Variants in DNHD1 observed in about 807,000 individuals in gnomAD.
DNHD1 encodes dynein heavy chain domain 1, also known as dynein heavy chain domain-containing protein 1.
DNHD1 carries 383 observed loss-of-function variants against 458.1 expected under a neutral mutation model. That is an observed-to-expected ratio of 0.84 (90% CI 0.77 to 0.91). The LOEUF (loss-of-function observed/expected upper bound fraction) is 0.91. Ranked by LOEUF, DNHD1 falls within the 40% of genes least tolerant of loss-of-function variation. The pLI, the probability that DNHD1 is intolerant of heterozygous loss-of-function variation, is 0.00. For missense variants in DNHD1, 5,336 were observed against 5,866.1 expected, an observed-to-expected ratio of 0.91 and a Z score of 2.95; for synonymous variants, 2,203 against 2,376.9, an observed-to-expected ratio of 0.93 and a Z score of 2.13.
Position 6,567,362 on chromosome 11 carries a change from G to A in DNHD1, c.11853G>A (p.Glu3951=). 1.2e-6 allele frequency: 2 copies of A among 1,614,064 alleles called. No individual in the cohort carries two copies. Among genetic ancestry groups the A allele is most frequent in the Non-Finnish European group, 1.7e-6 (2 of 1,179,902 alleles). Residue 3951 remains glutamate, a synonymous_variant, in exon 36 of 43, where the codon GAG becomes GAA. Transcript: ENST00000254579. ...TGCAAGCAACAGGGAAAGCATCAGA[G>A]CTGGAAAGACTGGCACTCTGGCCTG... The part of the protein sequence containing the change: ...ALLQATGKAS[E]LERLALWPGL...
Position 6,563,945 on chromosome 11 carries a change from T to A in DNHD1, c.10105T>A (p.Phe3369Ile). The A allele has an allele frequency of 1.9e-6, 3 of 1,551,624 alleles. No homozygotes were observed. The highest frequency in any genetic ancestry group is 2.6e-6 in the Non-Finnish European group (3 of 1,146,968). ...REQARLGYYQ[F>I]QAQETLEHNL... Reference sequence around the variant, plus strand: ...GCAGGCCCGCCTGGGCTACTACCAGTTTCAGGCCCAGGAGACCCTGGAGCA... The same window carrying A: ...GCAGGCCCGCCTGGGCTACTACCAGATTCAGGCCCAGGAGACCCTGGAGCA... The change falls in exon 31 of 43, where the codon TTT becomes ATT. Residue 3369 changes from phenylalanine (F) to isoleucine (I), a missense_variant. Around this residue, in one of 4 missense-constraint regions of DNHD1, gnomAD observed 3,932 missense variants for 4,365.6 expected, o/e 0.90. Transcript: ENST00000254579.
chr11:6,551,179 A>C (rs534506173), intron 24 of DNHD1, among the ~76,000 whole-genome samples: 9 of 152,264 alleles, frequency 5.9e-5, no homozygotes, highest in African/African-American at 1.9e-4. Context: ...ACAAATATTG[A>C]TAAGATGCCT....
intron 36 of DNHD1, 35 bp downstream of exon 36, chr11:6,567,895 G>T (rs1469541925): frequency 1.3e-6 from 2 of 1,555,394 alleles, no homozygotes; most frequent in Non-Finnish European, 1.7e-6. Context: ...AGAGTGACCA[G>T]GCTCCTGTGG....
intron 12 of DNHD1, among the ~76,000 whole-genome samples, chr11:6,531,258 C>CT (rs1458784458): frequency 6.6e-6 from 1 of 152,140 alleles, no homozygotes; most frequent in Admixed American, 6.5e-5. Context: ...ATTATACACT[C>CT]TGACGAATTA....
rs545504916 is a variant in DNHD1 at position 6,564,100 on chromosome 11, G to C, written c.10260G>C (p.Met3420Ile). The C allele has an allele frequency of 2.6e-5, 40 of 1,551,352 alleles. 1 individual carries two copies. The East Asian group carries it at 9.8e-4, about 38-fold the overall frequency. The change falls in exon 31 of 43, where the codon ATG (methionine) becomes ATC (isoleucine). Residue 3420 changes from methionine to isoleucine, a missense_variant. By Grantham distance (10) the Met-to-Ile change is conservative. Coordinates refer to ENST00000254579, the MANE Select transcript of DNHD1 (RefSeq NM_144666.3). ...TGAAGGCTGCACTGCTCACGCCTAT[G>C]CGTGCCTGGACTACACAGCTCCAGG... ...WPMKAALLTPMRAWTTQLQKL... is the reference protein window; with the variant it reads ...WPMKAALLTPIRAWTTQLQKL...
chr11:6,531,514 G>A (rs1852827986), intron 12 of DNHD1, among the ~76,000 whole-genome samples: 1 of 144,238 alleles, frequency 6.9e-6, no homozygotes, highest in African/African-American at 2.6e-5. Flanking sequence ...TGGTCCAAAA[G>A]CAGCACCATA....
In DNHD1 at chr11:6,547,979, C is replaced by T. The variant is rs1279335346; in HGVS notation, c.6844C>T (p.Leu2282=). The T allele has an allele frequency of 6.4e-7, 1 of 1,551,638 alleles. No homozygotes were observed. The highest frequency in any genetic ancestry group is 1.4e-5 in the African/African-American group (1 of 73,028). ...DVPDKCREHL[L]AVSSFLFALI... is the part of the protein sequence containing the mutation. Reference sequence around the variant, plus strand: ...GCCAGATAAGTGCAGGGAACACTTGCTGGCTGTCAGCAGTTTTCTTTTTGC... The same window carrying T: ...GCCAGATAAGTGCAGGGAACACTTGTTGGCTGTCAGCAGTTTTCTTTTTGC... Residue 2282 remains leucine, a synonymous_variant, in exon 22 of 43, where the codon CTG becomes TTG. Transcript: ENST00000254579.
chr11:6,523,401 GA>G (rs1852642689), intron 10 of DNHD1, among the ~76,000 whole-genome samples: 1 of 151,800 alleles, frequency 6.6e-6, no homozygotes, highest in Admixed American at 6.6e-5. Flanking sequence ...GAGAAGGAAA[GA>G]TTTTTTTTTC....
intron 13 of DNHD1, 76 bp from the exon 14 acceptor site, chr11:6,533,605 G>C: frequency 6.8e-7 from 1 of 1,473,000 alleles, no homozygotes; most frequent in South Asian, 1.4e-5. Flanking sequence ...CAAAAGGTGG[G>C]AGTTCCCCTT....
At chr11:6,539,165 G>T (rs1853034463) in intron 16 of DNHD1, 54 bp from the exon 17 acceptor site, 2 of 1,259,386 alleles carry the variant, frequency 1.6e-6, no homozygotes, top group East Asian at 5.1e-5. Context: ...TGGGATATGG[G>T]TTGGACTCTG....
rs548948932 is a variant in DNHD1 at position 6,570,414 on chromosome 11, A to G, written c.13105+18A>G. 25 of 1,599,084 alleles carry G rather than the reference A, an allele frequency of 1.6e-5. No individual in the cohort carries two copies. The highest frequency in any genetic ancestry group is 1.1e-4 in the African/African-American group (8 of 74,710). ...CCTCCCAGGTAAGCCTCACTCAGGT[A>G]TCTGTTTTGGGGTAGGGAATAGTGC... On this transcript the variant is annotated intron_variant, in intron 41 of 42. Transcript: ENST00000254579.
intron 7 of DNHD1, among the ~76,000 whole-genome samples, chr11:6,512,998 A>C (rs184113917): frequency 1.3e-5 from 2 of 152,208 alleles, no homozygotes; most frequent in East Asian, 3.9e-4. Flanking sequence ...AGGCATTAGC[A>C]ATGTCAAGAT....
chr11:6,552,081 A>G (rs921168974), intron 24 of DNHD1, among the ~76,000 whole-genome samples: 1 of 149,924 alleles, frequency 6.7e-6, no homozygotes. Context: ...TCATTTAAAA[A>G]AAAAAGTTTT....
chr11:6,545,787 C>G lies in DNHD1; in HGVS notation c.4848C>G (p.Pro1616=). ...ACTTGGGTTCACCTCACATAATCCC[C>G]AAAAGCCCCCTACAGAGTCTTAAGA... ...KYHLGSPHII[P]KSPLQSLKTI... Residue 1616 remains proline, a synonymous_variant, in exon 21 of 43, where the codon CCC becomes CCG. Coordinates refer to ENST00000254579, the MANE Select transcript of DNHD1 (RefSeq NM_144666.3). This position sits in a 1 kb window ranked among gnomAD's most constrained non-coding sequence, Gnocchi z 4.9. 2 of 1,551,814 alleles carry G rather than the reference C, an allele frequency of 1.3e-6. No individual in the cohort carries two copies. The highest frequency in any genetic ancestry group is 1.7e-6 in the Non-Finnish European group (2 of 1,147,016).
intron 10 of DNHD1, 27 bp from the exon 11 acceptor site, chr11:6,528,495 G>A (rs1430597728): frequency 2.4e-5 from 36 of 1,524,238 alleles, no homozygotes; most frequent in Admixed American, 1.2e-4. Context: ...GGGTACTCAC[G>A]GACAATTATG....
chr11:6,547,016 T>C lies in DNHD1; in HGVS notation c.6077T>C (p.Val2026Ala). The C allele has an allele frequency of 6.4e-7, 1 of 1,551,694 alleles. No homozygotes were observed. The highest frequency in any genetic ancestry group is 8.7e-7 in the Non-Finnish European group (1 of 1,146,982). ...EDTSTQGCQP[V>A]EITHLYPSGL... Reference sequence around the variant, plus strand: ...ACCTCAACCCAAGGCTGCCAGCCTGTGGAAATTACCCACCTGTACCCCAGT... The same window carrying C: ...ACCTCAACCCAAGGCTGCCAGCCTGCGGAAATTACCCACCTGTACCCCAGT... Residue 2026 changes from valine to alanine, a missense_variant, in exon 21 of 43, where the codon GTG becomes GCG. Physicochemically the swap from Val to Ala is moderately conservative, Grantham distance 64. Around this residue, in one of 4 missense-constraint regions of DNHD1, gnomAD observed 3,932 missense variants for 4,365.6 expected, o/e 0.90. Transcript: ENST00000254579.
rs745500674 is a variant in DNHD1 at position 6,563,358 on chromosome 11, C to T, written c.9670-24C>T. On this transcript the variant is annotated intron_variant, in intron 29 of 42. Transcript: ENST00000254579. The stretch of plus-strand genomic sequence containing the variant: ...AACAGAACATCTCAGGAGCTCACTT[C>T]AGAGGGTATCTCTCCTCATTTAGAT... 2.5e-5 allele frequency: 39 copies of T among 1,550,474 alleles called. No homozygotes were observed. In the Middle Eastern group the frequency reaches 2.2e-3, roughly 86 times the overall value.
intron 14 of DNHD1, 120 bp from the exon 15 acceptor site, chr11:6,538,262 AC>A (rs1853006620): frequency 5.4e-6 from 3 of 559,804 alleles, no homozygotes; most frequent in Admixed American, 2.9e-5. Context: ...CACCTCCCCC[AC>A]CCCCAACCAT....
In DNHD1 at chr11:6,546,149, T is replaced by C. The variant is rs1320925267; in HGVS notation, c.5210T>C (p.Leu1737Pro). Residue 1737 changes from leucine to proline, a missense_variant, in exon 21 of 43, where the codon CTG becomes CCG. Transcript: ENST00000254579. ...GCCCTGCAGGGTGGTGCCTGGCTGC[T>C]GTTGGAGAAAGTTCATCAGCTGCCC... ...NGALQGGAWL[L>P]LEKVHQLPPG... 6.4e-7 allele frequency: 1 copy of C among 1,551,078 alleles called. No individual in the cohort carries two copies. Among genetic ancestry groups the C allele is most frequent in the African/African-American group, 1.4e-5 (1 of 73,048 alleles).
Sources: gnomAD v4.1 joint callset for allele counts (sites outside exome capture counted in the v4.1 genomes callset) on GRCh38, gnomAD v4.1.1 for gene constraint, gnomAD v4.1.1 regional missense constraint, Gnocchi (gnomAD v3.1) non-coding constraint, MANE v1.5 for transcripts, NCBI Gene and HGNC (gene_info 2026-07-23, HGNC 2026-07-21) for gene names.